NRG4: variants seen among roughly 807,000 people sequenced by gnomAD.
NRG4 encodes pro-neuregulin-4, membrane-bound isoform.
NRG4 carries 10 observed loss-of-function variants against 15.0 expected under a neutral mutation model. The observed-to-expected ratio is 0.67, with a 90% confidence interval of 0.41 to 1.13. The LOEUF (loss-of-function observed/expected upper bound fraction) is 1.13. NRG4 is among the 50% of genes most tolerant of loss of function. The probability of loss-of-function intolerance (pLI) is 0.00; values close to 1 mark genes in which losing one functional copy is unlikely to be tolerated. For missense variants in NRG4, 139 were observed against 140.2 expected, an observed-to-expected ratio of 0.99 and a Z score of 0.04; for synonymous variants, 41 against 50.1, an observed-to-expected ratio of 0.82 and a Z score of 0.77.
chr15:76,007,935 T>C (rs546029566), intron 3 of NRG4, among the ~76,000 whole-genome samples: 5 of 152,300 alleles, frequency 3.3e-5, no homozygotes, highest in Non-Finnish European at 5.9e-5. Context: ...AAAAAATTAT[T>C]TTCTAAGGTC....
chr15:76,006,078 T>C (rs1196653302), intron 3 of NRG4, among the ~76,000 whole-genome samples: 1 of 152,010 alleles, frequency 6.6e-6, no homozygotes, highest in African/African-American at 2.4e-5. Flanking sequence ...TCCGGGAAAA[T>C]TGGTTAGGGA....
intron 3 of NRG4, among the ~76,000 whole-genome samples, chr15:75,993,025 C>T (rs1288672910): frequency 6.6e-6 from 1 of 151,930 alleles, no homozygotes. Flanking sequence ...TAGTTTTTCC[C>T]TCTAAGCACT....
chr15:75,989,577 C>T lies in NRG4; in HGVS notation c.104+19623G>A, dbSNP rs72734568. Among the ~76,000 whole-genome samples the T allele has an allele frequency of 8.5e-3, 1,289 of 152,078 alleles. 11 individuals carry two copies. The highest frequency in any genetic ancestry group is 0.012 in the Non-Finnish European group (800 of 67,980). On this transcript the variant is annotated intron_variant, in intron 3 of 5. Transcript: ENST00000394907. ...ATTAATTCATTAATATTTTATTCTG[C>T]GGTATCTAATTTGTTAAGCCCATCC... is the stretch of plus-strand genomic sequence containing the variant.
At chr15:75,990,183 G>A (rs1287402172) in intron 3 of NRG4, among the ~76,000 whole-genome samples, 2 of 152,210 alleles carry the variant, frequency 1.3e-5, no homozygotes, top group African/African-American at 2.4e-5. Flanking sequence ...CTTGTCTAAT[G>A]TAGCATCTGA....
intron 4 of NRG4, among the ~76,000 whole-genome samples, chr15:76,050,734 G>A (rs1329577193): frequency 2.1e-5 from 3 of 144,822 alleles, no homozygotes; most frequent in East Asian, 2.0e-4. Context: ...GTAAGCCACC[G>A]TGCCCAGCCG....
intron 3 of NRG4, among the ~76,000 whole-genome samples, chr15:75,989,361 A>C (rs1010703222): frequency 5.3e-5 from 8 of 152,104 alleles, no homozygotes; most frequent in African/African-American, 1.7e-4. Context: ...GAATGCTCTC[A>C]GTCACTGCTT....
At chr15:76,037,956 C>T (rs552320207) in intron 4 of NRG4, among the ~76,000 whole-genome samples, 1 of 152,070 alleles carries the variant, frequency 6.6e-6, no homozygotes, top group Non-Finnish European at 1.5e-5. Context: ...AGAATTGTGG[C>T]CCCCATTCCA....
At chr15:76,007,756 T>C (rs1353862423) in intron 3 of NRG4, among the ~76,000 whole-genome samples, 3 of 152,160 alleles carry the variant, frequency 2.0e-5, no homozygotes, top group African/African-American at 7.2e-5. Flanking sequence ...ATAAGCATTC[T>C]TGTTTTATTT....
At chr15:76,057,638 G>A (rs2036183868) in intron 1 of NRG4, among the ~76,000 whole-genome samples, 1 of 152,080 alleles carries the variant, frequency 6.6e-6, no homozygotes. Flanking sequence ...GGGCAGCATA[G>A]AGTTGACAAA....
rs1471722647 is a variant in NRG4 at position 75,941,733 on chromosome 15, T to C, written c.*1905A>G. ...TCATAGAGACAAAGTAGAACAAAGA[T>C]TACGTTTTGTCACAGGGAGCAGGAG... On this transcript the variant is annotated 3_prime_UTR_variant, in exon 6 of 6. Transcript: ENST00000394907. The C allele has an allele frequency of 1.3e-5, 2 of 151,992 alleles. No homozygotes were observed. The highest frequency in any genetic ancestry group is 1.5e-5 in the Non-Finnish European group (1 of 67,994). The allele number at this position is 151,992 out of a possible 1,614,324, so 9.4% of individuals were successfully genotyped here. A position where few individuals can be genotyped will look rare whatever the true frequency, so the allele number is the denominator to read the frequency against.
intron 3 of NRG4, among the ~76,000 whole-genome samples, chr15:75,984,166 C>T (rs528984906): frequency 1.6e-4 from 25 of 152,236 alleles, no homozygotes; most frequent in African/African-American, 4.3e-4. Context: ...ACAACACCAT[C>T]GGTGAACCCT....
chr15:75,943,633 TTTCTTCAGTGTTG>T lies in NRG4; in HGVS notation c.340_*4del, dbSNP rs777024304. ...AACAATGATTTGGTTCACTTTGACG[TTTCTTCAGTGTTG>T]TTCATGACCTGTGAAAAATAAGTAA... On this transcript the variant is annotated stop_lost and 3_prime_UTR_variant, in exon 6 of 6. Transcript: ENST00000394907. The T allele has an allele frequency of 6.4e-7, 1 of 1,564,714 alleles. No homozygotes were observed. The highest frequency in any genetic ancestry group is 8.8e-7 in the Non-Finnish European group (1 of 1,136,794).
intron 4 of NRG4, among the ~76,000 whole-genome samples, chr15:76,045,165 A>G (rs2141958388): frequency 6.6e-6 from 1 of 151,250 alleles, no homozygotes; most frequent in East Asian, 1.9e-4. Context: ...AGACATACAA[A>G]TGGCATACAG....
At chr15:75,992,917 T>A (rs1471915268) in intron 3 of NRG4, among the ~76,000 whole-genome samples, 1 of 129,446 alleles carries the variant, frequency 7.7e-6, no homozygotes, top group African/African-American at 3.5e-5. Flanking sequence ...TGATGGACAC[T>A]TTTTTTTTTT....
At chr15:75,989,100 C>G (rs2033910926) in intron 3 of NRG4, among the ~76,000 whole-genome samples, 1 of 152,004 alleles carries the variant, frequency 6.6e-6, no homozygotes, top group Non-Finnish European at 1.5e-5. Context: ...TCAAGCAATC[C>G]TCTCATCTTG....
At chr15:75,938,282 A>G (rs1258858568), downstream of NRG4, 1 of 152,224 alleles carries the variant, frequency 6.6e-6, no homozygotes, top group East Asian at 1.9e-4. Flanking sequence ...GACAGCTTTT[A>G]AAAATAAAAA....
At chr15:76,037,243 A>G (rs2035617531) in intron 4 of NRG4, among the ~76,000 whole-genome samples, 1 of 152,184 alleles carries the variant, frequency 6.6e-6, no homozygotes, top group East Asian at 1.9e-4. Context: ...TAAGAACCAA[A>G]TATCAGGTGA....
chr15:76,021,937 A>T (rs1453023666), intron 5 of NRG4, among the ~76,000 whole-genome samples: 1 of 152,194 alleles, frequency 6.6e-6, no homozygotes, highest in African/African-American at 2.4e-5. Context: ...GGTTGAAATT[A>T]TTCTACCTCA....
intron 5 of NRG4, among the ~76,000 whole-genome samples, chr15:76,022,598 A>AATAATTGC (rs1400450293): frequency 6.6e-6 from 1 of 152,210 alleles, no homozygotes; most frequent in Non-Finnish European, 1.5e-5. Context: ...AATGTATTCA[A>AATAATTGC]ATAATTGCAG....
Sources: gnomAD v4.1 joint callset for allele counts (sites outside exome capture counted in the v4.1 genomes callset) on GRCh38, gnomAD v4.1.1 for gene constraint, MANE v1.5 for transcripts, NCBI Gene and HGNC (gene_info 2026-07-23, HGNC 2026-07-21) for gene names.